Variants in ST6GALNAC3 observed in about 807,000 individuals in gnomAD.
ST6GALNAC3 encodes the protein ST6 N-acetylgalactosaminide alpha-2,6-sialyltransferase 3.
Under a neutral mutation model 32.7 loss-of-function variants are expected in ST6GALNAC3, and 25 were observed. That is an observed-to-expected ratio of 0.76 (90% CI 0.56 to 1.07). The LOEUF is 1.07. ST6GALNAC3 is among the 50% of genes least tolerant of loss of function. The pLI is 0.00. For synonymous variants in ST6GALNAC3, 129 were observed against 133.1 expected (o/e 0.97, Z 0.21); for missense variants, 355 against 382.4 (o/e 0.93, Z 0.60).
Position 76,630,737 on chromosome 1 carries a change from G to T in ST6GALNAC3, c.*1931G>T, listed in dbSNP as rs968900284. On this transcript the variant is annotated 3_prime_UTR_variant, in exon 5 of 5. Transcript: ENST00000328299. ...TATTCACACCCATAAACATTACTAA[G>T]CCCCAGTTCTATCGTTGGAAGGAGT... 1.0e-6 allele frequency: 1 copy of T among 985,402 alleles called. No homozygotes were observed. Among genetic ancestry groups the T allele is most frequent in the African/African-American group, 1.8e-5 (1 of 57,134 alleles). 61.0% of individuals were successfully genotyped at this position (985,402 alleles called of 1,614,324 possible).
chr1:76,382,919 C>G (rs1424057618), intron 2 of ST6GALNAC3, among the ~76,000 whole-genome samples: 1 of 152,072 alleles, frequency 6.6e-6, no homozygotes, highest in Admixed American at 6.5e-5. Context: ...TTCATGGACC[C>G]TAAGCAGCAT....
At chr1:76,589,417 G>A (rs983936003) in intron 3 of ST6GALNAC3, among the ~76,000 whole-genome samples, 1 of 151,912 alleles carries the variant, frequency 6.6e-6, no homozygotes, top group Non-Finnish European at 1.5e-5. Context: ...GCACCCTGGT[G>A]TAAAGGAATC....
chr1:76,434,557 T>C (rs893440974), intron 3 of ST6GALNAC3, among the ~76,000 whole-genome samples: 1 of 152,128 alleles, frequency 6.6e-6, no homozygotes, highest in Non-Finnish European at 1.5e-5. Flanking sequence ...TATTAACAAA[T>C]AAATACAAAG....
At chr1:76,248,094 G>A (rs1657410958) in intron 1 of ST6GALNAC3, among the ~76,000 whole-genome samples, 1 of 152,140 alleles carries the variant, frequency 6.6e-6, no homozygotes, top group African/African-American at 2.4e-5. Context: ...TTTCCTGGGT[G>A]AAGTGAAGCC....
At position 76,118,067 on chromosome 1, in the gene ST6GALNAC3, A is replaced by C. The variant is rs534938347; in HGVS notation, c.18+43183A>C. Among the ~76,000 whole-genome samples the C allele has an allele frequency of 1.7e-3, 254 of 152,186 alleles. 1 individual carries two copies. Among genetic ancestry groups the C allele is most frequent in the African/African-American group, 5.3e-3 (222 of 41,526 alleles). On this transcript the variant is annotated intron_variant, in intron 1 of 4. Transcript: ENST00000328299. ...TACATGTGCCATGGTGGTTTGTTGC[A>C]CCTGTCAGCCCATCATCTAGGTTTT... is the stretch of plus-strand genomic sequence containing the variant.
At chr1:76,124,351 A>G in intron 1 of ST6GALNAC3, among the ~76,000 whole-genome samples, 1 of 152,276 alleles carries the variant, frequency 6.6e-6, no homozygotes, top group Non-Finnish European at 1.5e-5. Context: ...TGAAGAGATG[A>G]CTAAAAGGTT....
intron 2 of ST6GALNAC3, among the ~76,000 whole-genome samples, chr1:76,367,016 G>T (rs1299939053): frequency 6.6e-6 from 1 of 152,144 alleles, no homozygotes; most frequent in Admixed American, 6.5e-5. Context: ...AATCAGTGGG[G>T]CTGCAAAATC....
intron 2 of ST6GALNAC3, among the ~76,000 whole-genome samples, chr1:76,383,398 G>A (rs965025942): frequency 9.9e-5 from 15 of 151,312 alleles, no homozygotes; most frequent in Admixed American, 8.6e-4. Flanking sequence ...AGACTCCTAA[G>A]TAGCTAGGAT....
chr1:76,290,525 G>A (rs1012305783), intron 1 of ST6GALNAC3, among the ~76,000 whole-genome samples: 2 of 151,996 alleles, frequency 1.3e-5, no homozygotes, highest in Non-Finnish European at 1.5e-5. Context: ...CACCTCTTTG[G>A]GTATGTGGGT....
chr1:76,117,197 C>T (rs907855431), intron 1 of ST6GALNAC3, among the ~76,000 whole-genome samples: 9 of 152,172 alleles, frequency 5.9e-5, no homozygotes, highest in Non-Finnish European at 1.0e-4. Flanking sequence ...TGCTTTAGGG[C>T]AATCTTCGGA....
downstream of ST6GALNAC3, chr1:76,637,021 T>C (rs1291963266): frequency 8.5e-6 from 1 of 117,940 alleles, no homozygotes; most frequent in East Asian, 2.0e-4. Flanking sequence ...ATAAATTGTT[T>C]AGTTTAATCA....
chr1:76,251,335 T>TGC (rs1657603498), intron 1 of ST6GALNAC3, among the ~76,000 whole-genome samples: 1 of 152,202 alleles, frequency 6.6e-6, no homozygotes, highest in Non-Finnish European at 1.5e-5. Context: ...TTGGCTAGAA[T>TGC]CATTTTTCAA....
At chr1:76,170,045 G>T (rs981536081) in intron 1 of ST6GALNAC3, among the ~76,000 whole-genome samples, 6 of 151,970 alleles carry the variant, frequency 3.9e-5, no homozygotes, top group Admixed American at 1.3e-4. Flanking sequence ...TATCTTGAGG[G>T]CTTGATTTTG....
intron 3 of ST6GALNAC3, among the ~76,000 whole-genome samples, chr1:76,497,263 G>C (rs981930092): frequency 6.6e-6 from 1 of 152,058 alleles, no homozygotes; most frequent in Admixed American, 6.6e-5. Context: ...GGCAGCTTTG[G>C]GGGGCCACAG....
chr1:76,523,891 C>T (rs1276983924), intron 3 of ST6GALNAC3, among the ~76,000 whole-genome samples: 1 of 152,084 alleles, frequency 6.6e-6, no homozygotes, highest in Non-Finnish European at 1.5e-5. Flanking sequence ...CCAACGGTGC[C>T]CCCTTGCCAT....
chr1:76,311,794 C>T (rs780177700), intron 1 of ST6GALNAC3, among the ~76,000 whole-genome samples: 1 of 151,988 alleles, frequency 6.6e-6, no homozygotes, highest in Non-Finnish European at 1.5e-5. Context: ...GGTTATATAC[C>T]CAGTAACGGG....
chr1:76,449,983 G>A (rs536960513), intron 3 of ST6GALNAC3, among the ~76,000 whole-genome samples: 17 of 152,190 alleles, frequency 1.1e-4, no homozygotes, highest in African/African-American at 3.9e-4. Context: ...TGATTGATGG[G>A]CATTTGGGCA....
At chr1:76,075,806 G>T (rs1193075121) in intron 1 of ST6GALNAC3, among the ~76,000 whole-genome samples, 1 of 152,132 alleles carries the variant, frequency 6.6e-6, no homozygotes, top group Non-Finnish European at 1.5e-5. Flanking sequence ...CTTGACTGGA[G>T]AATGCAGAGA....
At chr1:76,136,308 T>C (rs1438354748) in intron 1 of ST6GALNAC3, among the ~76,000 whole-genome samples, 2 of 152,328 alleles carry the variant, frequency 1.3e-5, no homozygotes, top group African/African-American at 2.4e-5. Context: ...TTGTCAATAG[T>C]CTCTTTGTTC....
Sources: gnomAD v4.1 joint callset for allele counts (sites outside exome capture counted in the v4.1 genomes callset) on GRCh38, gnomAD v4.1.1 for gene constraint, MANE v1.5 for transcripts, NCBI Gene and HGNC (gene_info 2026-07-23, HGNC 2026-07-21) for gene names.